Variants in CSMD1 observed in about 807,000 individuals in gnomAD.
The protein encoded by CSMD1 is CUB and sushi domain-containing protein 1.
CSMD1 carries 213 observed loss-of-function variants against 417.5 expected under a neutral mutation model. The ratio of observed to expected loss-of-function variants is 0.51; its 90% CI spans 0.46 to 0.57. CSMD1 has a LOEUF of 0.57. CSMD1 is among the 20% of genes least tolerant of loss of function. The pLI, the probability that CSMD1 is intolerant of heterozygous loss-of-function variation, is 0.00. For synonymous variants in CSMD1, 2,862 were observed against 1,736.8 expected, an observed-to-expected ratio of 1.65 and a Z score of -16.11; for missense variants, 6,923 against 4,529.7, an observed-to-expected ratio of 1.53 and a Z score of -15.17.
Position 4,913,560 on chromosome 8 carries a change from C to A in CSMD1, c.85+80772G>T, listed in dbSNP as rs115358265. Among the ~76,000 whole-genome samples, 783 of 152,270 alleles carry A rather than the reference C, an allele frequency of 5.1e-3. 7 individuals are homozygous for A. Among genetic ancestry groups the A allele is most frequent in the African/African-American group, 0.018 (749 of 41,536 alleles). Reference sequence around the variant, plus strand: ...AAAGAGCTCTACAGGGGAACGCCACCAACATATGCGTCCACAGCTCATTTA... The same window carrying A: ...AAAGAGCTCTACAGGGGAACGCCACAAACATATGCGTCCACAGCTCATTTA... On this transcript the variant is annotated intron_variant, in intron 1 of 69. Transcript: ENST00000635120.
intron 2 of CSMD1, among the ~76,000 whole-genome samples, chr8:4,436,239 T>C (rs1254252525): frequency 6.6e-6 from 1 of 152,204 alleles, no homozygotes; most frequent in Admixed American, 6.5e-5. Context: ...AGGACAAAAT[T>C]AGTTCATACT....
chr8:3,848,910 A>G (rs1483581851), intron 5 of CSMD1, among the ~76,000 whole-genome samples: 3 of 151,094 alleles, frequency 2.0e-5, no homozygotes, highest in African/African-American at 7.3e-5. Context: ...ACATATCTAG[A>G]TATCATATAC....
chr8:4,813,917 C>A (rs1304973581), intron 1 of CSMD1, among the ~76,000 whole-genome samples: 1 of 152,122 alleles, frequency 6.6e-6, no homozygotes, highest in Non-Finnish European at 1.5e-5. Flanking sequence ...CTCTAAATTT[C>A]TTAAATGTTT....
intron 3 of CSMD1, among the ~76,000 whole-genome samples, chr8:4,400,175 A>G (rs1804552497): frequency 6.6e-6 from 1 of 152,214 alleles, no homozygotes; most frequent in African/African-American, 2.4e-5. Flanking sequence ...GTAATTACTG[A>G]TTAAATACAA....
At chr8:4,358,137 C>G (rs969536904) in intron 3 of CSMD1, among the ~76,000 whole-genome samples, 10 of 152,100 alleles carry the variant, frequency 6.6e-5, no homozygotes, top group Non-Finnish European at 2.9e-5. Flanking sequence ...AAAATTTATT[C>G]TCAAAATTTC....
At chr8:4,397,825 C>T (rs1479972141) in intron 3 of CSMD1, among the ~76,000 whole-genome samples, 1 of 151,966 alleles carries the variant, frequency 6.6e-6, no homozygotes, top group Non-Finnish European at 1.5e-5. Flanking sequence ...TATTTATAAT[C>T]GGAAAATAAT....
chr8:3,372,436 G>C (rs1352036742), intron 18 of CSMD1, among the ~76,000 whole-genome samples: 1 of 152,154 alleles, frequency 6.6e-6, no homozygotes, highest in African/African-American at 2.4e-5. Flanking sequence ...TGCTCCTGAG[G>C]CTGTGCTGAG....
chr8:3,654,268 T>C (rs548678532), intron 7 of CSMD1, among the ~76,000 whole-genome samples: 4 of 152,304 alleles, frequency 2.6e-5, no homozygotes, highest in Non-Finnish European at 5.9e-5. Flanking sequence ...ATGACATTCT[T>C]AGCCAAAATT....
intron 3 of CSMD1, among the ~76,000 whole-genome samples, chr8:4,293,203 G>A (rs73660735): frequency 2.0e-5 from 3 of 152,166 alleles, no homozygotes; most frequent in Non-Finnish European, 4.4e-5. Flanking sequence ...GAGAGGAAGA[G>A]AGCCCAATGA....
chr8:4,123,793 A>G (rs1192814746), intron 3 of CSMD1, among the ~76,000 whole-genome samples: 2 of 152,186 alleles, frequency 1.3e-5, no homozygotes, highest in Admixed American at 1.3e-4. Flanking sequence ...AGAACCCAAA[A>G]TAAAATATAA....
chr8:3,644,966 G>GAAAAAAAAAAAAAAA (rs71203456), intron 7 of CSMD1, among the ~76,000 whole-genome samples: 2 of 64,522 alleles, frequency 3.1e-5, no homozygotes, highest in African/African-American at 1.6e-4. Flanking sequence ...GGCTTTAAAT[G>GAAAAAAAAAAAAAAA]AAAAAAAAAA....
At chr8:3,310,691 T>C (rs987425231) in intron 23 of CSMD1, among the ~76,000 whole-genome samples, 2 of 152,054 alleles carry the variant, frequency 1.3e-5, no homozygotes, top group Non-Finnish European at 2.9e-5. Context: ...CTTAAAAATC[T>C]TTTTGAGGGG....
rs562819147 is a variant in CSMD1, at chr8:4,372,399, T to C, written c.415+47554A>G. 2.6e-5 allele frequency among the ~76,000 whole-genome samples: 4 copies of C among 152,246 alleles called. No individual in the cohort carries two copies. In the South Asian group the frequency reaches 8.3e-4, roughly 32 times the overall value. On this transcript the variant is annotated intron_variant, in intron 3 of 69. Coordinates refer to ENST00000635120, the MANE Select transcript of CSMD1 (RefSeq NM_033225.6). ...TTCCATTGCTGCTGTCAAAAGGTAA[T>C]CATTTCATCTGTATTTGACATATAT...
rs915768632 is a variant in CSMD1, at chr8:3,639,824, G to C, written c.1010-23027C>G. Reference sequence around the variant, plus strand: ...TTTGGTTCAGGGCAATGGACCTAAAGCAAAAATCTAATCATATTATTTATT... The same window carrying C: ...TTTGGTTCAGGGCAATGGACCTAAACCAAAAATCTAATCATATTATTTATT... On this transcript the variant is annotated intron_variant, in intron 7 of 69. Coordinates refer to ENST00000635120, the MANE Select transcript of CSMD1 (RefSeq NM_033225.6). 1.5e-4 allele frequency among the ~76,000 whole-genome samples: 23 copies of C among 152,210 alleles called. No homozygotes were observed. In the South Asian group the frequency reaches 2.7e-3, roughly 18 times the overall value.
chr8:2,989,092 A>G (rs1806167877), intron 54 of CSMD1, among the ~76,000 whole-genome samples: 1 of 152,240 alleles, frequency 6.6e-6, no homozygotes, highest in East Asian at 1.9e-4. Context: ...GTGAGATACA[A>G]CAGCCTACAA....
chr8:3,599,556 T>C (rs772615413), intron 8 of CSMD1, among the ~76,000 whole-genome samples: 5 of 152,210 alleles, frequency 3.3e-5, no homozygotes, highest in East Asian at 1.9e-4. Flanking sequence ...CCACACAGCA[T>C]TGCTAACCAC....
chr8:4,264,166 T>C (rs928124886), intron 3 of CSMD1, among the ~76,000 whole-genome samples: 2 of 152,176 alleles, frequency 1.3e-5, no homozygotes, highest in Non-Finnish European at 2.9e-5. Flanking sequence ...TTGGGCACTA[T>C]GCAGAAGCTG....
intron 51 of CSMD1, among the ~76,000 whole-genome samples, chr8:3,026,668 G>C (rs969611356): frequency 1.3e-5 from 2 of 152,238 alleles, no homozygotes; most frequent in South Asian, 2.1e-4. Flanking sequence ...GTGAGACCGT[G>C]AGCAGAGGAT....
At chr8:4,187,842 T>A (rs909827986) in intron 3 of CSMD1, among the ~76,000 whole-genome samples, 3 of 152,098 alleles carry the variant, frequency 2.0e-5, no homozygotes, top group Non-Finnish European at 4.4e-5. Flanking sequence ...TTGCTGAGAC[T>A]ATTTCATAGG....
Sources: allele counts gnomAD v4.1 joint callset (sites outside exome capture counted in the v4.1 genomes callset), GRCh38; gene constraint gnomAD v4.1.1; transcripts MANE v1.5; gene names NCBI Gene and HGNC (gene_info 2026-07-23, HGNC 2026-07-21).